Variants in NR6A1 observed in about 807,000 individuals in gnomAD.
NR6A1 encodes retinoic acid receptor-related testis-associated receptor.
A neutral mutation model predicts 59.1 loss-of-function variants in NR6A1; 7 were observed. That is an observed-to-expected ratio of 0.12 (90% confidence interval 0.07 to 0.22). The LOEUF (loss-of-function observed/expected upper bound fraction) is 0.22, where lower values mean the gene tolerates loss of function less well. Among genes scored for constraint, NR6A1 ranks in the 10% least tolerant of loss-of-function variants. NR6A1 has a pLI of 1.00. For synonymous variants in NR6A1, 243 were observed against 236.1 expected (o/e 1.03, Z -0.27); for missense variants, 468 against 611.6 (o/e 0.77, Z 2.48).
intron 2 of NR6A1, among the ~76,000 whole-genome samples, chr9:124,596,805 A>G (rs554669308): frequency 6.6e-6 from 1 of 152,372 alleles, no homozygotes; most frequent in Non-Finnish European, 1.5e-5. Context: ...TGCTAATGGC[A>G]CATGATGTCA....
At chr9:124,667,437 C>T (rs934050518) in intron 2 of NR6A1, among the ~76,000 whole-genome samples, 1 of 152,142 alleles carries the variant, frequency 6.6e-6, no homozygotes, top group Admixed American at 6.5e-5. Context: ...ATACGTGCTA[C>T]AGGTGTTAAG....
chr9:124,582,400 C>T (rs1021459552), intron 2 of NR6A1, among the ~76,000 whole-genome samples: 5 of 152,116 alleles, frequency 3.3e-5, no homozygotes, highest in Admixed American at 1.3e-4. Context: ...GAACAACACA[C>T]ACTGGGGCTT....
At chr9:124,625,956 G>A (rs1204363565) in intron 2 of NR6A1, among the ~76,000 whole-genome samples, 3 of 152,162 alleles carry the variant, frequency 2.0e-5, no homozygotes, top group Non-Finnish European at 4.4e-5. Flanking sequence ...AATGCAGCAT[G>A]GCTTTCTTGG....
chr9:124,764,683 C>T (rs1337267729), intron 1 of NR6A1, among the ~76,000 whole-genome samples: 1 of 152,190 alleles, frequency 6.6e-6, no homozygotes, highest in Non-Finnish European at 1.5e-5. Flanking sequence ...ACATTCTCTG[C>T]TAATAATACC....
intron 2 of NR6A1, among the ~76,000 whole-genome samples, chr9:124,667,571 A>G (rs1442927678): frequency 6.6e-6 from 1 of 152,192 alleles, no homozygotes; most frequent in Non-Finnish European, 1.5e-5. Flanking sequence ...AGGGTAGGGC[A>G]ATTTCTCTCT....
At chr9:124,696,350 T>C (rs563240985) in intron 2 of NR6A1, among the ~76,000 whole-genome samples, 1 of 152,212 alleles carries the variant, frequency 6.6e-6, no homozygotes, top group African/African-American at 2.4e-5. Context: ...GGAAAGGTTA[T>C]CTCAAAAAGG....
intron 2 of NR6A1, among the ~76,000 whole-genome samples, chr9:124,572,742 G>T (rs1394234539): frequency 6.6e-6 from 1 of 152,158 alleles, no homozygotes; most frequent in Non-Finnish European, 1.5e-5. Flanking sequence ...CTAGAAATTC[G>T]TAAGGGCAAG....
intron 3 of NR6A1, among the ~76,000 whole-genome samples, chr9:124,549,165 A>G (rs544956091): frequency 6.6e-6 from 1 of 152,340 alleles, no homozygotes; most frequent in African/African-American, 2.4e-5. Flanking sequence ...ATGGTGTCAG[A>G]GAAGGCTTCT....
chr9:124,566,307 T>C (rs1219192220), intron 2 of NR6A1, among the ~76,000 whole-genome samples: 1 of 152,252 alleles, frequency 6.6e-6, no homozygotes, highest in Non-Finnish European at 1.5e-5. Flanking sequence ...CAGTGTTCTG[T>C]ATCTTGACGT....
chr9:124,729,708 T>G (rs186358451), intron 2 of NR6A1, among the ~76,000 whole-genome samples: 2 of 152,268 alleles, frequency 1.3e-5, no homozygotes, highest in African/African-American at 2.4e-5. Context: ...ACAACACACA[T>G]AGCCCATCTC....
Position 124,765,398 on chromosome 9 carries a change from C to G in NR6A1, c.100+5622G>C, listed in dbSNP as rs117811936. On this transcript the variant is annotated intron_variant, in intron 1 of 9. Transcript: ENST00000487099. ...TAAAGCAAAAAAATTTTAGGAAATC[C>G]AGGAATTTTCTATTTAGACGTAAGA... Among the ~76,000 whole-genome samples, 211 of 152,202 alleles carry G rather than the reference C, an allele frequency of 1.4e-3. 4 individuals are homozygous for G. In the East Asian group the frequency reaches 0.03, roughly 22 times the overall value.
intron 2 of NR6A1, among the ~76,000 whole-genome samples, chr9:124,606,602 T>C (rs1022006698): frequency 6.6e-6 from 1 of 152,242 alleles, no homozygotes; most frequent in Non-Finnish European, 1.5e-5. Flanking sequence ...TTTTGTAAAC[T>C]TGGGCAAGGC....
intron 2 of NR6A1, among the ~76,000 whole-genome samples, chr9:124,635,085 T>A (rs1011254567): frequency 2.0e-5 from 3 of 152,184 alleles, no homozygotes; most frequent in African/African-American, 7.2e-5. Context: ...TATAATGACA[T>A]GTATCCACTA....
chr9:124,582,957 G>A (rs904388059), intron 2 of NR6A1, among the ~76,000 whole-genome samples: 2 of 151,418 alleles, frequency 1.3e-5, no homozygotes, highest in Non-Finnish European at 2.9e-5. Context: ...ATTCACAGAA[G>A]AGTACGCCCT....
chr9:124,617,632 C>T (rs1199363893), intron 2 of NR6A1, among the ~76,000 whole-genome samples: 1 of 152,088 alleles, frequency 6.6e-6, no homozygotes, highest in African/African-American at 2.4e-5. Flanking sequence ...AGTGATTGGA[C>T]CCATCCAAAC....
At chr9:124,726,178 C>T (rs370581380) in intron 2 of NR6A1, among the ~76,000 whole-genome samples, 2 of 152,120 alleles carry the variant, frequency 1.3e-5, no homozygotes, top group African/African-American at 4.8e-5. Flanking sequence ...TCATGTCAAA[C>T]CCTCACATCG....
chr9:124,550,389 T>C (rs1380096833), intron 3 of NR6A1, among the ~76,000 whole-genome samples: 1 of 150,754 alleles, frequency 6.6e-6, no homozygotes, highest in Non-Finnish European at 1.5e-5. Flanking sequence ...TTTTTTTTTT[T>C]TTTTTTTTTG....
chr9:124,531,146 AGG>A lies in NR6A1; in HGVS notation c.1080-4248_1080-4247del, dbSNP rs1490133241. On this transcript the variant is annotated intron_variant, in intron 7 of 9. Coordinates refer to ENST00000487099, the MANE Select transcript of NR6A1 (RefSeq NM_033334.4). ...TGTTTCCTGAGCCTTATAGTTAGGC[AGG>A]GAAGCTGGGAGGCAACTTTCCAGAG... Among the ~76,000 whole-genome samples, 4 of 152,222 alleles carry A rather than the reference AGG, an allele frequency of 2.6e-5. No homozygotes were observed. The East Asian group carries it at 5.8e-4, about 22-fold the overall frequency.
At chr9:124,547,810 G>A (rs1424653281) in intron 3 of NR6A1, among the ~76,000 whole-genome samples, 6 of 152,136 alleles carry the variant, frequency 3.9e-5, no homozygotes, top group East Asian at 3.9e-4. Context: ...AAAGACTGAC[G>A]AACTATTTCA....
Sources: allele counts gnomAD v4.1 joint callset (sites outside exome capture counted in the v4.1 genomes callset), GRCh38; gene constraint gnomAD v4.1.1; transcripts MANE v1.5; gene names NCBI Gene and HGNC (gene_info 2026-07-23, HGNC 2026-07-21).